Variants in RNF222 observed in about 807,000 individuals in gnomAD.
The protein encoded by RNF222 is ring finger protein 222.
RNF222 carries 14 observed loss-of-function variants against 10.8 expected under a neutral mutation model. That is an observed-to-expected ratio of 1.30 (90% CI 0.86 to 2.03). The LOEUF (loss-of-function observed/expected upper bound fraction) is 2.03, where lower values mean the gene tolerates loss of function less well. RNF222 is among the 30% of genes most tolerant of loss of function. The pLI is 0.00. For synonymous variants in RNF222, 141 were observed against 142.5 expected (o/e 0.99, Z 0.07); for missense variants, 298 against 295.8 (o/e 1.01, Z -0.06).
At chr17:8,395,126 A>G (rs1322080007) in intron 1 of RNF222, among the ~76,000 whole-genome samples, 1 of 152,204 alleles carries the variant, frequency 6.6e-6, no homozygotes, top group Non-Finnish European at 1.5e-5. Flanking sequence ...CTTGGCTCCA[A>G]ATCTATTTTG....
chr17:8,390,838 G>A lies in RNF222; in HGVS notation c.*1961C>T, dbSNP rs1223410553. ...GTTGAAAGAAACTTTTGGCAAATAC[G>A]ACAGAATCTGAAAAGACTAGAACCA... On this transcript the variant is annotated 3_prime_UTR_variant, in exon 3 of 3. Transcript: ENST00000399398. 3.9e-5 allele frequency: 6 copies of A among 152,130 alleles called. No individual in the cohort carries two copies. The highest frequency in any genetic ancestry group is 2.6e-4 in the Admixed American group (4 of 15,266). 9.4% of individuals were successfully genotyped at this position (152,130 alleles called of 1,614,324 possible).
Position 8,392,642 on chromosome 17 carries a change from C to G in RNF222, c.*157G>C. ...CCAGCCTCTCTGTCGAGCGGAAGCC[C>G]CTGCGGGGGTCGGGGAAGCCCAAGG... is the stretch of plus-strand genomic sequence containing the variant. On this transcript the variant is annotated 3_prime_UTR_variant, in exon 3 of 3. Transcript: ENST00000399398. The surrounding 1 kb of genome is among the most constrained non-coding windows in gnomAD (Gnocchi z 4.3). 1 of 903,184 alleles carries G rather than the reference C, an allele frequency of 1.1e-6. No homozygotes were observed. The highest frequency in any genetic ancestry group is 1.6e-6 in the Non-Finnish European group (1 of 620,662). 55.9% of individuals were successfully genotyped at this position (903,184 alleles called of 1,614,324 possible).
chr17:8,396,364 T>G (rs1908037121), intron 1 of RNF222, among the ~76,000 whole-genome samples: 1 of 152,062 alleles, frequency 6.6e-6, no homozygotes, highest in South Asian at 2.1e-4. Context: ...GAGTAGGTAT[T>G]AGCCAAGTTA....
Position 8,392,923 on chromosome 17 carries a change from G to T in RNF222, c.539C>A (p.Ala180Glu). The change falls in exon 3 of 3, where the codon GCG becomes GAG. Residue 180 changes from alanine to glutamate, a missense_variant. Physicochemically the swap from Ala to Glu is moderately radical, Grantham distance 107. Coordinates refer to ENST00000399398, the MANE Select transcript of RNF222 (RefSeq NM_001146684.3). This position sits in a 1 kb window ranked among gnomAD's most constrained non-coding sequence, Gnocchi z 4.3. The part of the protein sequence containing the change: ...SLAELSEASL[A>E]PRSARAFCCR... ...GCAGAAGGCGCGGGCGGAGCGGGGC[G>T]CCAGGGAGGCCTCCGAGAGCTCTGC... 6.5e-7 allele frequency: 1 copy of T among 1,530,028 alleles called. No homozygotes were observed. Among genetic ancestry groups the T allele is most frequent in the Non-Finnish European group, 8.7e-7 (1 of 1,144,096 alleles). 94.8% of individuals were successfully genotyped at this position (1,530,028 alleles called of 1,614,324 possible).
At chr17:8,393,581 C>T (rs1907943982) in intron 2 of RNF222, 95 bp from the exon 3 acceptor site, 3 of 1,425,326 alleles carry the variant, frequency 2.1e-6, no homozygotes, top group Non-Finnish European at 2.8e-6. Flanking sequence ...TGCCCCTTAT[C>T]CCCTCTCCCT....
At position 8,392,521 on chromosome 17, in the gene RNF222, A is replaced by T. The variant is rs1052504118; in HGVS notation, c.*278T>A. 3.6e-5 allele frequency: 17 copies of T among 473,596 alleles called. No homozygotes were observed. The highest frequency in any genetic ancestry group is 3.1e-4 in the African/African-American group (15 of 47,754). The allele number at this position is 473,596 out of a possible 1,614,324, so 29.3% of individuals were successfully genotyped here. On this transcript the variant is annotated 3_prime_UTR_variant, in exon 3 of 3. Coordinates refer to ENST00000399398, the MANE Select transcript of RNF222 (RefSeq NM_001146684.3). The surrounding 1 kb of genome is among the most constrained non-coding windows in gnomAD (Gnocchi z 4.3). ...CGCTCAGGGCTGGTGAGCCTGCAGG[A>T]GGGCAGTGACCACCCATCTTCCCAG... is the stretch of plus-strand genomic sequence containing the variant.
chr17:8,393,412 C>A lies in RNF222; in HGVS notation c.50G>T (p.Cys17Phe). The change falls in exon 3 of 3, where the codon TGC (cysteine) becomes TTC (phenylalanine). Residue 17 changes from cysteine (C) to phenylalanine (F), a missense_variant. By Grantham distance (205) the Cys-to-Phe change is radical. Transcript: ENST00000399398. Reference protein sequence around the residue: ...KDSSGSECPVCYEKFRDLEGA... With the variant: ...KDSSGSECPVFYEKFRDLEGA... Reference sequence around the variant, plus strand: ...CTCCAGGTCCCGGAACTTCTCATAGCACACGGGGCACTCACTGCCCGAGCT... The same window carrying A: ...CTCCAGGTCCCGGAACTTCTCATAGAACACGGGGCACTCACTGCCCGAGCT... 6.4e-7 allele frequency: 1 copy of A among 1,551,596 alleles called. No homozygotes were observed. The highest frequency in any genetic ancestry group is 8.7e-7 in the Non-Finnish European group (1 of 1,146,950).
intron 1 of RNF222, among the ~76,000 whole-genome samples, chr17:8,396,412 A>G (rs1908039236): frequency 6.6e-6 from 1 of 152,218 alleles, no homozygotes; most frequent in Non-Finnish European, 1.5e-5. Flanking sequence ...AGGGAAGGAG[A>G]AGGAGAGCCT....
intron 1 of RNF222, among the ~76,000 whole-genome samples, chr17:8,396,496 T>C (rs559487475): frequency 6.6e-6 from 1 of 152,302 alleles, no homozygotes; most frequent in East Asian, 1.9e-4. Context: ...GCCCCAATGA[T>C]GGCCTCTCTG....
Position 8,392,614 on chromosome 17 carries a change from G to T in RNF222, c.*185C>A. On this transcript the variant is annotated 3_prime_UTR_variant, in exon 3 of 3. Transcript: ENST00000399398. This position sits in a 1 kb window ranked among gnomAD's most constrained non-coding sequence, Gnocchi z 4.3. ...AACACGCGCCGCGCGCATGGAGTCA[G>T]CTCCAGCCTCTCTGTCGAGCGGAAG... 1 of 685,840 alleles carries T rather than the reference G, an allele frequency of 1.5e-6. No homozygotes were observed. Among genetic ancestry groups the T allele is most frequent in the Non-Finnish European group, 2.4e-6 (1 of 423,630 alleles). The allele number at this position is 685,840 out of a possible 1,614,324, so 42.5% of individuals were successfully genotyped here. A position where few individuals can be genotyped will look rare whatever the true frequency, so the allele number is the denominator to read the frequency against.
rs987766756 is a variant in RNF222, at chr17:8,392,776, C to G, written c.*23G>C. On this transcript the variant is annotated 3_prime_UTR_variant, in exon 3 of 3. Transcript: ENST00000399398. The surrounding 1 kb of genome is among the most constrained non-coding windows in gnomAD (Gnocchi z 4.3). ...GTCCCACCCCAGGCCACGGCTAGCC[C>G]GGCGGCCTCCCTGAGGTGCGGCTCA... 1 of 1,530,102 alleles carries G rather than the reference C, an allele frequency of 6.5e-7. No homozygotes were observed. The highest frequency in any genetic ancestry group is 8.7e-7 in the Non-Finnish European group (1 of 1,145,256). 94.8% of individuals were successfully genotyped at this position (1,530,102 alleles called of 1,614,324 possible). A position where few individuals can be genotyped will look rare whatever the true frequency, so the allele number is the denominator to read the frequency against.
At position 8,390,849 on chromosome 17, in the gene RNF222, A is replaced by G. The variant is rs1907798039; in HGVS notation, c.*1950T>C. The G allele has an allele frequency of 6.6e-6, 1 of 152,216 alleles. No individual in the cohort carries two copies. The highest frequency in any genetic ancestry group is 2.4e-5 in the African/African-American group (1 of 41,454). 9.4% of individuals were successfully genotyped at this position (152,216 alleles called of 1,614,324 possible). A position where few individuals can be genotyped will look rare whatever the true frequency, so the allele number is the denominator to read the frequency against. On this transcript the variant is annotated 3_prime_UTR_variant, in exon 3 of 3. Coordinates refer to ENST00000399398, the MANE Select transcript of RNF222 (RefSeq NM_001146684.3). Reference sequence around the variant, plus strand: ...CTTTTGGCAAATACGACAGAATCTGAAAAGACTAGAACCAGGTTCCCAGAA... The same window carrying G: ...CTTTTGGCAAATACGACAGAATCTGGAAAGACTAGAACCAGGTTCCCAGAA...
intron 1 of RNF222, among the ~76,000 whole-genome samples, chr17:8,396,597 A>G (rs373256843): frequency 3.6e-4 from 54 of 151,486 alleles, no homozygotes; most frequent in African/African-American, 1.0e-3. Flanking sequence ...CCCCCTTCCA[A>G]TGATGGCCTC....
At chr17:8,397,241 A>G (rs1908065738) in intron 1 of RNF222, among the ~76,000 whole-genome samples, 1 of 152,124 alleles carries the variant, frequency 6.6e-6, no homozygotes. Flanking sequence ...TGACTACCCA[A>G]AGTTCCTTCC....
rs1456541933 is a variant in RNF222, at chr17:8,392,901, GAAGGCGCGGGCGGAGCGGGGCGCC to G, written c.537_560del (p.Ala180_Phe187del). 1 of 1,532,798 alleles carries G rather than the reference GAAGGCGCGGGCGGAGCGGGGCGCC, an allele frequency of 6.5e-7. No homozygotes were observed. Among genetic ancestry groups the G allele is most frequent in the Non-Finnish European group, 8.7e-7 (1 of 1,145,692 alleles). The allele number at this position is 1,532,798 out of a possible 1,614,324, so 94.9% of individuals were successfully genotyped here. ...GCAGCAGGGCCCGCGATCGGCAGCA[GAAGGCGCGGGCGGAGCGGGGCGCC>G]AGGGAGGCCTCCGAGAGCTCTGCCA... On this transcript the variant is annotated inframe_deletion, in exon 3 of 3. Transcript: ENST00000399398. This position sits in a 1 kb window ranked among gnomAD's most constrained non-coding sequence, Gnocchi z 4.3.
At chr17:8,395,951 T>G (rs897178484) in intron 1 of RNF222, among the ~76,000 whole-genome samples, 1 of 152,238 alleles carries the variant, frequency 6.6e-6, no homozygotes, top group African/African-American at 2.4e-5. Context: ...ACATATTTAT[T>G]GAGCACCTGC....
Position 8,392,519 on chromosome 17 carries a change from G to C in RNF222, c.*280C>G. On this transcript the variant is annotated 3_prime_UTR_variant, in exon 3 of 3. Transcript: ENST00000399398. The surrounding 1 kb of genome is among the most constrained non-coding windows in gnomAD (Gnocchi z 4.3). ...GCCGCTCAGGGCTGGTGAGCCTGCA[G>C]GAGGGCAGTGACCACCCATCTTCCC... 1 of 473,814 alleles carries C rather than the reference G, an allele frequency of 2.1e-6. No homozygotes were observed. Among genetic ancestry groups the C allele is most frequent in the Non-Finnish European group, 3.8e-6 (1 of 265,716 alleles). The allele number at this position is 473,814 out of a possible 1,614,324, so 29.4% of individuals were successfully genotyped here. A position where few individuals can be genotyped will look rare whatever the true frequency, so the allele number is the denominator to read the frequency against.
In RNF222 at chr17:8,391,589, A is replaced by G. The variant is rs1283805852; in HGVS notation, c.*1210T>C. On this transcript the variant is annotated 3_prime_UTR_variant, in exon 3 of 3. Transcript: ENST00000399398. ...GGGTGCAGACCACCACTTAGTTGAGATAATTGCTGGAGGTTTTTGTTGTTT... is the reference window on the plus strand; with the variant it reads ...GGGTGCAGACCACCACTTAGTTGAGGTAATTGCTGGAGGTTTTTGTTGTTT... 6.6e-6 allele frequency: 1 copy of G among 152,066 alleles called. No homozygotes were observed. Among genetic ancestry groups the G allele is most frequent in the Non-Finnish European group, 1.5e-5 (1 of 68,096 alleles). 9.4% of individuals were successfully genotyped at this position (152,066 alleles called of 1,614,324 possible).
chr17:8,394,721 C>T (rs895078386), intron 1 of RNF222, among the ~76,000 whole-genome samples: 8 of 152,192 alleles, frequency 5.3e-5, no homozygotes, highest in African/African-American at 1.2e-4. Context: ...GGATTACAGA[C>T]GCAAGCCAAG....
Sources: allele counts gnomAD v4.1 joint callset (sites outside exome capture counted in the v4.1 genomes callset), GRCh38; gene constraint gnomAD v4.1.1; non-coding constraint Gnocchi (gnomAD v3.1); transcripts MANE v1.5; gene names NCBI Gene and HGNC (gene_info 2026-07-23, HGNC 2026-07-21).